The following EVI5 variants were observed in gnomAD, a reference collection of about 807,000 sequenced individuals.
The protein encoded by EVI5 is ecotropic viral integration site 5, also known as ecotropic viral integration site 5 protein homolog.
Under a neutral mutation model 112.0 loss-of-function variants are expected in EVI5, and 73 were observed. The ratio of observed to expected loss-of-function variants is 0.65; its 90% CI spans 0.54 to 0.79. The LOEUF is 0.79. EVI5 is among the 30% of genes least tolerant of loss of function. The pLI is 0.00. For synonymous variants in EVI5, 305 were observed against 319.9 expected (o/e 0.95, Z 0.50); for missense variants, 900 against 968.8 (o/e 0.93, Z 0.94).
rs917360561 is a variant in EVI5 at position 92,784,516 on chromosome 1, C to T, written c.-82+320G>A. The stretch of plus-strand genomic sequence containing the variant: ...GGGTGGGGTGCAGGGTCAGTGTCCT[C>T]CACGGGATTTACGAGGACGTGCCCC... On this transcript the variant is annotated intron_variant, in intron 1 of 19. Coordinates refer to ENST00000684568, the MANE Select transcript of EVI5 (RefSeq NM_001350197.2). The T allele has an allele frequency of 5.1e-6, 4 of 787,302 alleles. No individual in the cohort carries two copies. In the African/African-American group the frequency reaches 7.6e-5, roughly 15 times the overall value. The allele number at this position is 787,302 out of a possible 1,614,324, so 48.8% of individuals were successfully genotyped here. A position where few individuals can be genotyped will look rare whatever the true frequency, so the allele number is the denominator to read the frequency against.
intron 11 of EVI5, among the ~76,000 whole-genome samples, chr1:92,663,810 T>C (rs184172095): frequency 2.4e-3 from 372 of 152,260 alleles, no homozygotes; most frequent in African/African-American, 8.5e-3. Flanking sequence ...GGCATCATCA[T>C]GTAGCTCATT....
chr1:92,629,334 T>C (rs1656371309), intron 14 of EVI5, among the ~76,000 whole-genome samples: 1 of 152,206 alleles, frequency 6.6e-6, no homozygotes, highest in Admixed American at 6.5e-5. Context: ...GTCCATTATC[T>C]ATCAGGTTTT....
intron 19 of EVI5, among the ~76,000 whole-genome samples, chr1:92,548,531 A>G (rs901286312): frequency 3.0e-4 from 46 of 152,316 alleles, no homozygotes; most frequent in African/African-American, 9.9e-4. Context: ...AAGGGTATTC[A>G]ATTAGGAAAA....
intron 18 of EVI5, among the ~76,000 whole-genome samples, chr1:92,581,205 T>C (rs1224684403): frequency 6.6e-6 from 1 of 152,204 alleles, no homozygotes; most frequent in Non-Finnish European, 1.5e-5. Flanking sequence ...CACTTTTCTA[T>C]AGTCTCAGGA....
chr1:92,556,423 CTCACT>C (rs1667694148), intron 19 of EVI5, among the ~76,000 whole-genome samples: 1 of 152,174 alleles, frequency 6.6e-6, no homozygotes, highest in Non-Finnish European at 1.5e-5. Context: ...ATAGTAAGTT[CTCACT>C]TAAAGTTTTC....
chr1:92,556,112 G>A (rs1342211170), intron 19 of EVI5, among the ~76,000 whole-genome samples: 9 of 149,126 alleles, frequency 6.0e-5, no homozygotes, highest in African/African-American at 2.2e-4. Flanking sequence ...CCCCCAGCCT[G>A]GAGTGCAGTG....
chr1:92,646,609 T>C (rs2102004828), intron 13 of EVI5, among the ~76,000 whole-genome samples: 1 of 152,226 alleles, frequency 6.6e-6, no homozygotes, highest in East Asian at 1.9e-4. Flanking sequence ...CAAGAGTTTG[T>C]CTTGGTTGTT....
At chr1:92,540,103 G>A (rs1361758217) in intron 19 of EVI5, among the ~76,000 whole-genome samples, 10 of 152,088 alleles carry the variant, frequency 6.6e-5, no homozygotes, top group South Asian at 6.2e-4. Flanking sequence ...ATTGACATCT[G>A]AGTTGTTTCT....
At position 92,750,475 on chromosome 1, in the gene EVI5, C is replaced by T. The variant is rs112443969; in HGVS notation, c.-81-13848G>A. 5.9e-3 allele frequency among the ~76,000 whole-genome samples: 898 copies of T among 152,296 alleles called. 9 individuals carry two copies. Among genetic ancestry groups the T allele is most frequent in the African/African-American group, 0.019 (799 of 41,556 alleles). On this transcript the variant is annotated intron_variant, in intron 1 of 19. Transcript: ENST00000684568. ...ACTAAAACTAACACTTTCACGAACA[C>T]GCTGAAAAACACCACAATCATCACA...
intron 9 of EVI5, among the ~76,000 whole-genome samples, chr1:92,689,138 T>A (rs553657516): frequency 6.6e-6 from 1 of 152,222 alleles, no homozygotes; most frequent in East Asian, 1.9e-4. Context: ...AAGTGGAAAA[T>A]GAGACATTTT....
intron 2 of EVI5, among the ~76,000 whole-genome samples, chr1:92,707,225 T>A (rs11164798): frequency 0.38 from 54,599 of 145,204 alleles, 12,254 homozygotes; most frequent in East Asian, 0.74. Context: ...TTCACAGCCT[T>A]TGGGGTAGGC....
At chr1:92,641,111 G>A (rs185612784) in intron 13 of EVI5, among the ~76,000 whole-genome samples, 89 of 152,148 alleles carry the variant, frequency 5.8e-4, no homozygotes, top group African/African-American at 2.0e-3. Context: ...GAGTCAATAT[G>A]TGCAGCAAGC....
At chr1:92,716,487 G>T (rs1181616748) in intron 2 of EVI5, among the ~76,000 whole-genome samples, 1 of 152,048 alleles carries the variant, frequency 6.6e-6, no homozygotes, top group Non-Finnish European at 1.5e-5. Flanking sequence ...AAAGACCAAA[G>T]GTAGATAAAA....
intron 19 of EVI5, among the ~76,000 whole-genome samples, chr1:92,534,370 G>C (rs1249138419): frequency 6.6e-6 from 1 of 152,132 alleles, no homozygotes; most frequent in Non-Finnish European, 1.5e-5. Flanking sequence ...GTAATTTCTA[G>C]ATTCAATGCT....
chr1:92,652,869 A>G (rs1333089459), intron 13 of EVI5, among the ~76,000 whole-genome samples: 1 of 152,230 alleles, frequency 6.6e-6, no homozygotes, highest in Non-Finnish European at 1.5e-5. Flanking sequence ...CAGAAAAAGA[A>G]GGAAGCAAGA....
chr1:92,638,855 A>C (rs1659399824), intron 13 of EVI5, among the ~76,000 whole-genome samples: 1 of 152,112 alleles, frequency 6.6e-6, no homozygotes, highest in Non-Finnish European at 1.5e-5. Flanking sequence ...GTTTTAATAT[A>C]TACTGTTCTA....
intron 2 of EVI5, among the ~76,000 whole-genome samples, chr1:92,710,272 A>G (rs963480627): frequency 4.6e-5 from 7 of 151,882 alleles, no homozygotes; most frequent in Admixed American, 4.6e-4. Flanking sequence ...GAGCCCCGGA[A>G]GTTGAGACTG....
chr1:92,634,549 T>C (rs1658300999), intron 14 of EVI5, among the ~76,000 whole-genome samples: 1 of 152,204 alleles, frequency 6.6e-6, no homozygotes, highest in African/African-American at 2.4e-5. Context: ...TAAGGACTTC[T>C]CTGCATTGGT....
At position 92,602,589 on chromosome 1, in the gene EVI5, T is replaced by A. The variant is rs753307024; in HGVS notation, c.2070+2718A>T. Among the ~76,000 whole-genome samples the A allele has an allele frequency of 3.2e-4, 49 of 152,240 alleles. 1 individual carries two copies. The highest frequency in any genetic ancestry group is 2.4e-4 in the Non-Finnish European group (16 of 68,008). ...CAGCTAATTTTTAAAAATTGTTTTGTAGAGACAGGGTCTTATTCTATTGCC... is the reference window on the plus strand; with the variant it reads ...CAGCTAATTTTTAAAAATTGTTTTGAAGAGACAGGGTCTTATTCTATTGCC... On this transcript the variant is annotated intron_variant, in intron 18 of 19. Transcript: ENST00000684568.
Sources: gnomAD v4.1 joint callset for allele counts (sites outside exome capture counted in the v4.1 genomes callset) on GRCh38, gnomAD v4.1.1 for gene constraint, MANE v1.5 for transcripts, NCBI Gene and HGNC (gene_info 2026-07-23, HGNC 2026-07-21) for gene names.